ABHD3: variants seen among roughly 807,000 people sequenced by gnomAD.
ABHD3 encodes the protein abhydrolase domain containing 3, phospholipase, also known as phospholipase ABHD3.
Under a neutral mutation model 48.8 loss-of-function variants are expected in ABHD3, and 46 were observed. The ratio of observed to expected loss-of-function variants is 0.94; its 90% CI spans 0.74 to 1.20. The LOEUF is 1.20. Among genes scored for constraint, ABHD3 ranks in the 50% most tolerant of loss-of-function variants. ABHD3 has a pLI of 0.00. For synonymous variants in ABHD3, 192 were observed against 183.7 expected (o/e 1.04, Z -0.36); for missense variants, 490 against 497.8 (o/e 0.98, Z 0.15).
At chr18:21,697,775 T>A (rs2040410429) in intron 3 of ABHD3, among the ~76,000 whole-genome samples, 1 of 152,206 alleles carries the variant, frequency 6.6e-6, no homozygotes, top group African/African-American at 2.4e-5. Context: ...CATCCTGAAT[T>A]TTGAATTAGT....
At chr18:21,698,095 G>A (rs1290608097) in intron 3 of ABHD3, among the ~76,000 whole-genome samples, 1 of 151,946 alleles carries the variant, frequency 6.6e-6, no homozygotes, top group East Asian at 1.9e-4. Context: ...TAGCAGACAT[G>A]GTAACATCTA....
At chr18:21,671,253 T>C (rs914729667) in intron 4 of ABHD3, among the ~76,000 whole-genome samples, 2 of 152,126 alleles carry the variant, frequency 1.3e-5, no homozygotes, top group African/African-American at 4.8e-5. Flanking sequence ...TACACAACTA[T>C]GCAGTTCTAT....
chr18:21,658,205 A>G (rs1240874042), intron 6 of ABHD3, among the ~76,000 whole-genome samples: 2 of 152,152 alleles, frequency 1.3e-5, no homozygotes, highest in South Asian at 2.1e-4. Flanking sequence ...TTAAAAAAAA[A>G]GAGGGAGAGA....
At chr18:21,697,743 T>C (rs1012392555) in intron 3 of ABHD3, among the ~76,000 whole-genome samples, 3 of 152,226 alleles carry the variant, frequency 2.0e-5, no homozygotes, top group Non-Finnish European at 4.4e-5. Context: ...TAAACAAACT[T>C]AAGCCTAGTT....
chr18:21,695,046 T>G (rs999403057), intron 3 of ABHD3, among the ~76,000 whole-genome samples: 3 of 152,194 alleles, frequency 2.0e-5, no homozygotes, highest in African/African-American at 7.2e-5. Flanking sequence ...TTTCTTTTTT[T>G]TTTGAGATGG....
In ABHD3 at chr18:21,651,691, C is replaced by A. The variant is rs779451860; in HGVS notation, c.1130G>T (p.Gly377Val). The change falls in exon 9 of 9, where the codon GGT (glycine) becomes GTT (valine). Residue 377 changes from glycine (G) to valine (V), a missense_variant. Transcript: ENST00000289119. The part of the protein sequence containing the change: ...LVLTSYGGHI[G>V]FLEGIWPRQS... ...TCTTGGCCAGATTCCCTCCAGAAAA[C>A]CAATATGGCCTCCATAAGAAGTAAG... 3.7e-6 allele frequency: 6 copies of A among 1,610,696 alleles called. No homozygotes were observed. The East Asian group carries it at 1.3e-4, about 36-fold the overall frequency.
In ABHD3 at chr18:21,690,580, C is replaced by T. The variant is rs374054866; in HGVS notation, c.510-6615G>A. 2.0e-5 allele frequency among the ~76,000 whole-genome samples: 3 copies of T among 151,732 alleles called. No homozygotes were observed. In the East Asian group the frequency reaches 5.8e-4, roughly 29 times the overall value. On this transcript the variant is annotated intron_variant, in intron 3 of 8. Transcript: ENST00000289119. ...TCATGCCACTGCACTCCAGCCTGGG[C>T]GACAGAGCAAGACTGTCTCAAAAAC...
At chr18:21,654,132 G>A (rs113638423) in intron 8 of ABHD3, among the ~76,000 whole-genome samples, 5 of 152,056 alleles carry the variant, frequency 3.3e-5, no homozygotes, top group African/African-American at 9.6e-5. Context: ...GATTACAGGC[G>A]TGAGCCACTT....
intron 4 of ABHD3, among the ~76,000 whole-genome samples, chr18:21,679,066 A>T (rs2039950974): frequency 6.6e-6 from 1 of 152,216 alleles, no homozygotes; most frequent in Non-Finnish European, 1.5e-5. Flanking sequence ...CTTGTGAGCT[A>T]ATTTCTGTTA....
Position 21,672,694 on chromosome 18 carries a change from C to T in ABHD3, c.556-8464G>A, listed in dbSNP as rs141031000. Reference sequence around the variant, plus strand: ...GTTTTCATTCCACCCATCCCCTGTCCAGTACCTAACAAATTGCCTAAGTTG... The same window carrying T: ...GTTTTCATTCCACCCATCCCCTGTCTAGTACCTAACAAATTGCCTAAGTTG... On this transcript the variant is annotated intron_variant, in intron 4 of 8. Coordinates refer to ENST00000289119, the MANE Select transcript of ABHD3 (RefSeq NM_138340.5). 5.9e-3 allele frequency among the ~76,000 whole-genome samples: 897 copies of T among 152,254 alleles called. 3 individuals are homozygous for T. Among genetic ancestry groups the T allele is most frequent in the Middle Eastern group, 0.02 (6 of 294 alleles).
chr18:21,702,264 G>T, intron 3 of ABHD3, 52 bp downstream of exon 3: 1 of 1,394,736 alleles, frequency 7.2e-7, no homozygotes, highest in Non-Finnish European at 9.6e-7. Context: ...AGATATATTT[G>T]TACTTCATTT....
At chr18:21,670,308 CTT>C (rs1046320034) in intron 4 of ABHD3, among the ~76,000 whole-genome samples, 4 of 152,158 alleles carry the variant, frequency 2.6e-5, no homozygotes, top group African/African-American at 9.7e-5. Context: ...CACCAGCTGT[CTT>C]TGCTACAAGG....
intron 8 of ABHD3, among the ~76,000 whole-genome samples, chr18:21,653,449 G>A (rs563411026): frequency 6.6e-6 from 1 of 151,718 alleles, no homozygotes; most frequent in East Asian, 2.0e-4. Context: ...TGTCTGGCCT[G>A]AGTATAACCT....
At chr18:21,688,349 T>A (rs1201351233) in intron 3 of ABHD3, among the ~76,000 whole-genome samples, 1 of 152,146 alleles carries the variant, frequency 6.6e-6, no homozygotes, top group African/African-American at 2.4e-5. Context: ...GAGAGGAACA[T>A]TCAGAGATCA....
intron 3 of ABHD3, among the ~76,000 whole-genome samples, chr18:21,698,643 C>T (rs1044417920): frequency 1.3e-5 from 2 of 151,968 alleles, no homozygotes; most frequent in African/African-American, 4.8e-5. Context: ...GTTCAACCAT[C>T]TCGGCCCACT....
chr18:21,668,251 T>C (rs2039683373), intron 4 of ABHD3, among the ~76,000 whole-genome samples: 1 of 149,926 alleles, frequency 6.7e-6, no homozygotes, highest in South Asian at 2.1e-4. Context: ...TATCTTCTAC[T>C]ATGCTCATTC....
At chr18:21,687,059 C>A (rs2040143610) in intron 3 of ABHD3, among the ~76,000 whole-genome samples, 1 of 151,774 alleles carries the variant, frequency 6.6e-6, no homozygotes, top group Non-Finnish European at 1.5e-5. Context: ...CAGGGGCATG[C>A]CACCATGCCT....
chr18:21,670,164 G>A (rs770877543), intron 4 of ABHD3, among the ~76,000 whole-genome samples: 18 of 152,142 alleles, frequency 1.2e-4, no homozygotes, highest in Admixed American at 3.9e-4. Flanking sequence ...TTAACGCCCC[G>A]GTACTTCTGG....
At position 21,651,819 on chromosome 18, in the gene ABHD3, A is replaced by C. The variant is rs1394612418; in HGVS notation, c.1058-56T>G. 46 of 1,453,336 alleles carry C rather than the reference A, an allele frequency of 3.2e-5. No homozygotes were observed. In the East Asian group the frequency reaches 1.1e-3, roughly 34 times the overall value. 90.0% of individuals were successfully genotyped at this position (1,453,336 alleles called of 1,614,324 possible). On this transcript the variant is annotated intron_variant, in intron 8 of 8. Transcript: ENST00000289119. ...GAGAAGAAGGAGAGAGAAAAATATA[A>C]TCATTATGTTTTTGTCAGGAAAAGC...
Sources: allele counts gnomAD v4.1 joint callset (sites outside exome capture counted in the v4.1 genomes callset), GRCh38; gene constraint gnomAD v4.1.1; transcripts MANE v1.5; gene names NCBI Gene and HGNC (gene_info 2026-07-23, HGNC 2026-07-21).